The following HDAC4 variants were observed in gnomAD, a reference collection of about 807,000 sequenced individuals.
HDAC4 encodes histone deacetylase 4.
Under a neutral mutation model 135.1 loss-of-function variants are expected in HDAC4, and 16 were observed. The ratio of observed to expected loss-of-function variants is 0.12; its 90% CI spans 0.08 to 0.18. The LOEUF is 0.18. Among genes scored for constraint, HDAC4 ranks in the 10% least tolerant of loss-of-function variants. HDAC4 has a pLI of 1.00. For synonymous variants in HDAC4, 685 were observed against 653.4 expected (o/e 1.05, Z -0.74); for missense variants, 1,143 against 1,511.8 (o/e 0.76, Z 4.05).
Position 239,233,959 on chromosome 2 carries a change from G to A in HDAC4, c.94+2634C>T, listed in dbSNP as rs191239094. On this transcript the variant is annotated intron_variant, in intron 3 of 26. Coordinates refer to ENST00000543185, the MANE Select transcript of HDAC4 (RefSeq NM_001378414.1). ...AAATGTATAACAGCAATTGAGGACT[G>A]ACATAACATATACCTAAAAATGTTT... 1.4e-3 allele frequency among the ~76,000 whole-genome samples: 209 copies of A among 152,296 alleles called. No individual in the cohort carries two copies. The Middle Eastern group carries it at 0.017, about 12-fold the overall frequency.
Position 239,189,357 on chromosome 2 carries a change from CT to C in HDAC4, c.339+475del, listed in dbSNP as rs146518101. Among the ~76,000 whole-genome samples, 341 of 151,926 alleles carry C rather than the reference CT, an allele frequency of 2.2e-3. 2 individuals are homozygous for C. The East Asian group carries it at 0.034, about 15-fold the overall frequency. On this transcript the variant is annotated intron_variant, in intron 4 of 26. Coordinates refer to ENST00000543185, the MANE Select transcript of HDAC4 (RefSeq NM_001378414.1). ...GTAGACAGTAAGTACCAAAAAAAGT[CT>C]TTTTTTTCTTACCGCATTTAAATTA...
chr2:239,191,193 C>G, intron 3 of HDAC4: 2 of 345,950 alleles, frequency 5.8e-6, no homozygotes, highest in Non-Finnish European at 1.2e-5. Flanking sequence ...AGGAGGGTCT[C>G]AAGCTCAGAG....
chr2:239,216,524 C>A (rs2046648841), intron 3 of HDAC4, among the ~76,000 whole-genome samples: 1 of 152,204 alleles, frequency 6.6e-6, no homozygotes. Context: ...ACAACCAAAA[C>A]CTTCTGAAGA....
At chr2:239,152,594 G>A (rs1315808207) in intron 7 of HDAC4, among the ~76,000 whole-genome samples, 1 of 152,244 alleles carries the variant, frequency 6.6e-6, no homozygotes, top group Non-Finnish European at 1.5e-5. Context: ...CTGGGAGATG[G>A]CACTCAGGTG....
intron 2 of HDAC4, among the ~76,000 whole-genome samples, chr2:239,315,316 G>C (rs1244437850): frequency 2.6e-5 from 4 of 152,116 alleles, no homozygotes; most frequent in Admixed American, 2.6e-4. Flanking sequence ...CTGTGTCACA[G>C]GCACGTCCTT....
chr2:239,135,963 G>A (rs1156882037), intron 9 of HDAC4, among the ~76,000 whole-genome samples: 1 of 152,206 alleles, frequency 6.6e-6, no homozygotes, highest in Non-Finnish European at 1.5e-5. Context: ...GGAAGAGTCA[G>A]CAGCAACAGT....
chr2:239,255,114 T>C (rs916156489), intron 2 of HDAC4, among the ~76,000 whole-genome samples: 21 of 152,192 alleles, frequency 1.4e-4, no homozygotes, highest in African/African-American at 4.6e-4. Context: ...ATTGCTGAAC[T>C]AACAAGGGAT....
chr2:239,084,627 A>G (rs1012773347), intron 19 of HDAC4, among the ~76,000 whole-genome samples: 19 of 148,778 alleles, frequency 1.3e-4, no homozygotes, highest in Non-Finnish European at 2.1e-4. Context: ...CACACACCAC[A>G]GACAGAGACA....
chr2:239,066,888 C>CG (rs765439709), intron 23 of HDAC4, 33 bp from the exon 24 acceptor site: 1 of 1,604,368 alleles, frequency 6.2e-7, no homozygotes. Context: ...GCAGTGTGAA[C>CG]GGGGGAGGAC....
At chr2:239,374,349 A>G (rs938731587) in intron 1 of HDAC4, among the ~76,000 whole-genome samples, 10 of 143,100 alleles carry the variant, frequency 7.0e-5, no homozygotes, top group African/African-American at 2.3e-4. Context: ...GGTGACCAGG[A>G]GAGGAGGAAA....
chr2:239,353,732 T>C (rs1693310655), intron 1 of HDAC4, among the ~76,000 whole-genome samples: 2 of 152,202 alleles, frequency 1.3e-5, no homozygotes, highest in Non-Finnish European at 2.9e-5. Context: ...CAGAGTATCT[T>C]CCAACTAATA....
chr2:239,291,356 A>G (rs889938688), intron 2 of HDAC4, among the ~76,000 whole-genome samples: 2 of 152,216 alleles, frequency 1.3e-5, no homozygotes, highest in African/African-American at 4.8e-5. Context: ...GCTTGCTGAA[A>G]ATAGCCGGTG....
At position 239,141,743 on chromosome 2, in the gene HDAC4, T is replaced by C. The variant is rs2041390772; in HGVS notation, c.866-1947A>G. Among the ~76,000 whole-genome samples, 1 of 152,168 alleles carries C rather than the reference T, an allele frequency of 6.6e-6. No individual in the cohort carries two copies. Among genetic ancestry groups the C allele is most frequent in the Non-Finnish European group, 1.5e-5 (1 of 68,032 alleles). ...GGTGCCTCCCAGCTGTGTCGTCAGA[T>C]AAATACCCTCACGCATGTGCCTGGG... On this transcript the variant is annotated intron_variant, in intron 8 of 26. Coordinates refer to ENST00000543185, the MANE Select transcript of HDAC4 (RefSeq NM_001378414.1). This position sits in a 1 kb window ranked among gnomAD's most constrained non-coding sequence, Gnocchi z 4.9.
At chr2:239,190,708 G>C (rs540523463) in intron 3 of HDAC4, among the ~76,000 whole-genome samples, 1 of 152,162 alleles carries the variant, frequency 6.6e-6, no homozygotes, top group Non-Finnish European at 1.5e-5. Flanking sequence ...GCACAAGTGC[G>C]TTCCTCTGGG....
At chr2:239,163,421 G>A (rs954022867) in intron 6 of HDAC4, among the ~76,000 whole-genome samples, 15 of 152,182 alleles carry the variant, frequency 9.9e-5, no homozygotes, top group African/African-American at 2.9e-4. Flanking sequence ...CCATGAGGAC[G>A]GCCACCGTGT....
intron 2 of HDAC4, among the ~76,000 whole-genome samples, chr2:239,310,542 G>A (rs957713897): frequency 6.6e-6 from 1 of 152,242 alleles, no homozygotes; most frequent in Non-Finnish European, 1.5e-5. Context: ...ATGAGACTGC[G>A]TAGGGCAGGA....
chr2:239,250,073 C>T (rs2048697694), intron 2 of HDAC4, among the ~76,000 whole-genome samples: 1 of 152,248 alleles, frequency 6.6e-6, no homozygotes, highest in Non-Finnish European at 1.5e-5. Context: ...CCGTGATGGC[C>T]ACCGCGGCCT....
chr2:239,291,124 C>T (rs1160837260), intron 2 of HDAC4, among the ~76,000 whole-genome samples: 1 of 152,234 alleles, frequency 6.6e-6, no homozygotes, highest in Non-Finnish European at 1.5e-5. Flanking sequence ...ATCCAAGTTC[C>T]CAACAAAGAA....
At chr2:239,143,055 C>G (rs2041509062) in intron 8 of HDAC4, among the ~76,000 whole-genome samples, 1 of 152,254 alleles carries the variant, frequency 6.6e-6, no homozygotes, top group Admixed American at 6.5e-5. Context: ...ACGCATGGCT[C>G]CTGGATGGTC....
Sources: allele counts gnomAD v4.1 joint callset (sites outside exome capture counted in the v4.1 genomes callset), GRCh38; gene constraint gnomAD v4.1.1; non-coding constraint Gnocchi (gnomAD v3.1); transcripts MANE v1.5; gene names NCBI Gene and HGNC (gene_info 2026-07-23, HGNC 2026-07-21).